Variants in SLC25A12 observed in about 807,000 individuals in gnomAD.
SLC25A12 encodes solute carrier family 25 member 12, also known as electrogenic aspartate/glutamate antiporter SLC25A12, mitochondrial.
A neutral mutation model predicts 83.3 loss-of-function variants in SLC25A12; 32 were observed. The observed-to-expected ratio is 0.38, with a 90% CI of 0.29 to 0.52. The LOEUF (loss-of-function observed/expected upper bound fraction) is 0.52, where lower values mean the gene tolerates loss of function less well. Among genes scored for constraint, SLC25A12 ranks in the 20% least tolerant of loss-of-function variants. The pLI is 0.84. For missense variants in SLC25A12, 611 were observed against 835.6 expected (o/e 0.73, Z 3.31); for synonymous variants, 267 against 291.1 (o/e 0.92, Z 0.84).
At chr2:171,794,659 ATG>A (rs1179178436) in intron 13 of SLC25A12, among the ~76,000 whole-genome samples, 1 of 152,028 alleles carries the variant, frequency 6.6e-6, no homozygotes, top group Non-Finnish European at 1.5e-5. Context: ...AAAGAAAAAA[ATG>A]TGTGTGACTA....
At chr2:171,786,382 TAAAAAAAAAA>T (rs5836348) in intron 17 of SLC25A12, among the ~76,000 whole-genome samples, 2 of 85,796 alleles carry the variant, frequency 2.3e-5, no homozygotes, top group Admixed American at 1.4e-4. Context: ...AGACTCCGTC[TAAAAAAAAAA>T]AAAAAAAAAA....
intron 13 of SLC25A12, among the ~76,000 whole-genome samples, chr2:171,805,113 TG>T (rs1374718801): frequency 7.2e-5 from 5 of 69,402 alleles, no homozygotes; most frequent in South Asian, 1.3e-3. Flanking sequence ...TTTTGTTTTT[TG>T]TTTTTTTTTT....
intron 8 of SLC25A12, among the ~76,000 whole-genome samples, chr2:171,831,428 G>T (rs1213366143): frequency 6.6e-6 from 1 of 152,180 alleles, no homozygotes; most frequent in East Asian, 1.9e-4. Context: ...TTATAGCTAT[G>T]AAGATGTATT....
chr2:171,805,705 A>C (rs895928231), intron 13 of SLC25A12, among the ~76,000 whole-genome samples: 1 of 152,260 alleles, frequency 6.6e-6, no homozygotes, highest in Non-Finnish European at 1.5e-5. Context: ...CAAAAGCAAT[A>C]ATCATCATCA....
intron 2 of SLC25A12, among the ~76,000 whole-genome samples, chr2:171,871,490 A>G (rs1258116033): frequency 6.6e-6 from 1 of 151,866 alleles, no homozygotes; most frequent in Admixed American, 6.6e-5. Flanking sequence ...AATCACTTGA[A>G]TTTGTATTTT....
chr2:171,810,128 T>C (rs1683919153), intron 12 of SLC25A12, 96 bp downstream of exon 12: 1 of 1,024,438 alleles, frequency 9.8e-7, no homozygotes. Flanking sequence ...ATGCTGAGAT[T>C]ATAGGCATGA....
At chr2:171,842,274 A>G (rs537182575) in intron 5 of SLC25A12, among the ~76,000 whole-genome samples, 3,583 of 139,492 alleles carry the variant, frequency 0.026, 46 homozygotes, top group Middle Eastern at 0.042. Context: ...TGCTAAGTGG[A>G]AAAAAAAAAA....
At chr2:171,873,039 TAAG>T (rs1034671250) in intron 2 of SLC25A12, among the ~76,000 whole-genome samples, 6 of 152,192 alleles carry the variant, frequency 3.9e-5, no homozygotes, top group Non-Finnish European at 8.8e-5. Context: ...ACTAAAAGTT[TAAG>T]AAGAAAGGAG....
intron 3 of SLC25A12, among the ~76,000 whole-genome samples, chr2:171,867,633 C>T (rs540918812): frequency 5.9e-5 from 9 of 152,012 alleles, no homozygotes; most frequent in African/African-American, 2.2e-4. Flanking sequence ...AGAGGGAGAC[C>T]GTGGGGAGAG....
intron 5 of SLC25A12, among the ~76,000 whole-genome samples, chr2:171,841,682 G>A (rs545154898): frequency 4.6e-5 from 7 of 152,230 alleles, no homozygotes; most frequent in African/African-American, 1.2e-4. Flanking sequence ...CGGAACAAGA[G>A]GTTTTTACAT....
intron 4 of SLC25A12, among the ~76,000 whole-genome samples, chr2:171,853,681 CA>C (rs879742369): frequency 8.2e-4 from 112 of 137,082 alleles, no homozygotes; most frequent in African/African-American, 2.3e-3. Flanking sequence ...GCTCCACCTC[CA>C]AAAAAAAAAA....
intron 13 of SLC25A12, among the ~76,000 whole-genome samples, chr2:171,808,569 G>A (rs1037701756): frequency 1.3e-5 from 2 of 152,042 alleles, no homozygotes; most frequent in African/African-American, 2.4e-5. Flanking sequence ...ATATATGAAT[G>A]GTAACTCTAT....
intron 11 of SLC25A12, among the ~76,000 whole-genome samples, chr2:171,812,150 C>T (rs1360906827): frequency 6.6e-6 from 1 of 152,190 alleles, no homozygotes; most frequent in East Asian, 1.9e-4. Flanking sequence ...GAGCAGGGTA[C>T]TTGAGCCTAG....
intron 2 of SLC25A12, among the ~76,000 whole-genome samples, chr2:171,885,267 CCTT>C (rs1156429788): frequency 1.3e-5 from 2 of 151,138 alleles, no homozygotes; most frequent in Admixed American, 1.3e-4. Flanking sequence ...ATTTTTCAAT[CCTT>C]CTGCTTGATT....
intron 5 of SLC25A12, among the ~76,000 whole-genome samples, chr2:171,840,582 A>G (rs772124542): frequency 6.6e-6 from 1 of 152,096 alleles, no homozygotes; most frequent in Non-Finnish European, 1.5e-5. Flanking sequence ...TTTAAAAGGA[A>G]TATTCAGAAA....
At chr2:171,886,890 G>A (rs981050221) in intron 2 of SLC25A12, among the ~76,000 whole-genome samples, 1 of 152,144 alleles carries the variant, frequency 6.6e-6, no homozygotes, top group Non-Finnish European at 1.5e-5. Context: ...TTGTTCAAAT[G>A]ATATTTTCTT....
At chr2:171,835,087 G>C (rs1299982351) in intron 6 of SLC25A12, among the ~76,000 whole-genome samples, 1 of 152,188 alleles carries the variant, frequency 6.6e-6, no homozygotes, top group Non-Finnish European at 1.5e-5. Flanking sequence ...GTAACATCTG[G>C]AAGTTGGACT....
chr2:171,804,727 G>A (rs1405504678), intron 13 of SLC25A12, among the ~76,000 whole-genome samples: 1 of 152,182 alleles, frequency 6.6e-6, no homozygotes, highest in African/African-American at 2.4e-5. Context: ...GCCTGGCCAA[G>A]TAAGACCCTG....
chr2:171,805,341 C>A (rs1409286261), intron 13 of SLC25A12, among the ~76,000 whole-genome samples: 1 of 152,102 alleles, frequency 6.6e-6, no homozygotes, highest in African/African-American at 2.4e-5. Flanking sequence ...GAACTCCTGA[C>A]CTCAGGTGAT....
Sources: gnomAD v4.1 joint callset for allele counts (sites outside exome capture counted in the v4.1 genomes callset) on GRCh38, gnomAD v4.1.1 for gene constraint, MANE v1.5 for transcripts, NCBI Gene and HGNC (gene_info 2026-07-23, HGNC 2026-07-21) for gene names.